The following LCOR variants were observed in gnomAD, a reference collection of about 807,000 sequenced individuals.
The protein encoded by LCOR is ligand-dependent corepressor.
A neutral mutation model predicts 64.4 loss-of-function variants in LCOR; 14 were observed. That is an observed-to-expected ratio of 0.22 (90% CI 0.14 to 0.34). The LOEUF (loss-of-function observed/expected upper bound fraction) is 0.34. Ranked by LOEUF, LCOR falls within the 10% of genes least tolerant of loss-of-function variation. The pLI, the probability that LCOR is intolerant of heterozygous loss-of-function variation, is 1.00. For synonymous variants in LCOR, 643 were observed against 642.5 expected, an observed-to-expected ratio of 1.00 and a Z score of -0.01; for missense variants, 1,686 against 1,765.3, an observed-to-expected ratio of 0.96 and a Z score of 0.80.
rs11188970 is a variant in LCOR at position 96,932,928 on chromosome 10, C to T, written c.-183-11185C>T. Among the ~76,000 whole-genome samples the T allele has an allele frequency of 2.2e-3, 328 of 152,232 alleles. 1 individual carries two copies. The highest frequency in any genetic ancestry group is 7.4e-3 in the African/African-American group (307 of 41,536). ...TTGTTTATTTTGGTTGATGGTTTCT[C>T]TTATAGTAATCTATCCCAAGGAAAT... On this transcript the variant is annotated intron_variant, in intron 4 of 7. Transcript: ENST00000421806.
At chr10:96,844,371 A>G (rs544439296) in intron 2 of LCOR, among the ~76,000 whole-genome samples, 2 of 151,744 alleles carry the variant, frequency 1.3e-5, no homozygotes, top group East Asian at 1.9e-4. Context: ...GTTTTCTTCA[A>G]TCTTCAGCAT....
At chr10:96,968,552 C>T (rs1847970011) in intron 7 of LCOR, among the ~76,000 whole-genome samples, 1 of 152,112 alleles carries the variant, frequency 6.6e-6, no homozygotes, top group Non-Finnish European at 1.5e-5. Context: ...AGGTGACTTT[C>T]AGAAAGCCCT....
At position 96,992,024 on chromosome 10, in the gene LCOR, C is replaced by CAT; in HGVS notation, c.*6892_*6893dup. On this transcript the variant is annotated 3_prime_UTR_variant, in exon 8 of 8. Coordinates refer to ENST00000421806, the MANE Select transcript of LCOR (RefSeq NM_001346516.2). The stretch of plus-strand genomic sequence containing the variant: ...CCCCAGTTTTCTGTGATCTGCACCT[C>CAT]ATAGTTGTCTTGTAGCTAAAGCTGA... 6.6e-6 allele frequency: 1 copy of CAT among 152,328 alleles called. No individual in the cohort carries two copies. The highest frequency in any genetic ancestry group is 2.4e-5 in the African/African-American group (1 of 41,570). 9.4% of individuals were successfully genotyped at this position (152,328 alleles called of 1,614,324 possible).
intron 4 of LCOR, among the ~76,000 whole-genome samples, chr10:96,924,508 C>T (rs940497464): frequency 2.6e-5 from 4 of 151,972 alleles, no homozygotes; most frequent in Non-Finnish European, 5.9e-5. Context: ...TCCCAAAGTG[C>T]TGGGATTATA....
rs1408558591 is a variant in LCOR at position 96,991,360 on chromosome 10, T to C, written c.*6226T>C. ...GTTGTGGGCCATGTGATCATATCTA[T>C]TAGGGTATGTAGTGAAAACTAAAAG... On this transcript the variant is annotated 3_prime_UTR_variant, in exon 8 of 8. Transcript: ENST00000421806. 1 of 152,194 alleles carries C rather than the reference T, an allele frequency of 6.6e-6. No individual in the cohort carries two copies. Among genetic ancestry groups the C allele is most frequent in the African/African-American group, 2.4e-5 (1 of 41,452 alleles). The allele number at this position is 152,194 out of a possible 1,614,324, so 9.4% of individuals were successfully genotyped here.
At chr10:96,886,409 C>G (rs552126888) in intron 2 of LCOR, among the ~76,000 whole-genome samples, 1 of 152,110 alleles carries the variant, frequency 6.6e-6, no homozygotes, top group African/African-American at 2.4e-5. Context: ...GGATCATGAC[C>G]GTGCTAAAAA....
In LCOR at chr10:96,943,752, T is replaced by TA. The variant is rs534758194; in HGVS notation, c.-183-349dup. Reference sequence around the variant, plus strand: ...AAAAAAAATTTTTTTTTTGGTAAATTAAAAAAAAAAAAGCCTTCTGTCTGA... The same window carrying TA: ...AAAAAAAATTTTTTTTTTGGTAAATTAAAAAAAAAAAAAGCCTTCTGTCTGA... On this transcript the variant is annotated intron_variant, in intron 4 of 7. Coordinates refer to ENST00000421806, the MANE Select transcript of LCOR (RefSeq NM_001346516.2). Among the ~76,000 whole-genome samples, 306 of 139,976 alleles carry TA rather than the reference T, an allele frequency of 2.2e-3. 2 individuals are homozygous for TA. The highest frequency in any genetic ancestry group is 3.6e-3 in the Middle Eastern group (1 of 276). The allele number at this position is 139,976 out of a possible 152,430, so 91.8% of individuals were successfully genotyped here. A position where few individuals can be genotyped will look rare whatever the true frequency, so the allele number is the denominator to read the frequency against.
chr10:96,933,269 G>A (rs1446192317), intron 4 of LCOR, among the ~76,000 whole-genome samples: 1 of 152,112 alleles, frequency 6.6e-6, no homozygotes, highest in East Asian at 1.9e-4. Flanking sequence ...TGTGTACAAG[G>A]TAGCTTTTTT....
chr10:96,888,601 A>G (rs1214395914), intron 2 of LCOR, among the ~76,000 whole-genome samples: 1 of 152,150 alleles, frequency 6.6e-6, no homozygotes, highest in Non-Finnish European at 1.5e-5. Flanking sequence ...AATGACCAGT[A>G]ATGATGTTAC....
At chr10:96,847,406 T>TTTTA (rs137983276) in intron 2 of LCOR, among the ~76,000 whole-genome samples, 3,508 of 150,924 alleles carry the variant, frequency 0.023, 97 homozygotes, top group African/African-American at 0.069. Context: ...GTCAAGAGTA[T>TTTTA]TTTATTTATT....
rs1463015166 is a variant in LCOR at position 96,981,620 on chromosome 10, A to G, written c.1160A>G (p.Asp387Gly). The G allele has an allele frequency of 6.2e-7, 1 of 1,614,226 alleles. No homozygotes were observed. The highest frequency in any genetic ancestry group is 1.1e-5 in the South Asian group (1 of 91,086). The change falls in exon 8 of 8, where the codon GAT (aspartate) becomes GGT (glycine). Residue 387 changes from aspartate to glycine, a missense_variant. Coordinates refer to ENST00000421806, the MANE Select transcript of LCOR (RefSeq NM_001346516.2). Reference protein sequence around the residue: ...LRQDLEANEQDARPKQENHLH... With the variant: ...LRQDLEANEQGARPKQENHLH... ...CAGGATTTAGAGGCAAATGAACAAG[A>G]TGCAAGGCCAAAGCAAGAGAACCAT... is the stretch of plus-strand genomic sequence containing the variant.
chr10:96,853,717 G>A (rs540157043), intron 2 of LCOR, among the ~76,000 whole-genome samples: 18 of 152,282 alleles, frequency 1.2e-4, no homozygotes, highest in African/African-American at 3.6e-4. Flanking sequence ...CTGTTACCAC[G>A]TATTTTAGTC....
intron 1 of LCOR, 53 bp from the exon 2 acceptor site, chr10:96,833,331 GGGCGCCCCGGGAGGGGCCGGGC>G: frequency 1.0e-6 from 1 of 960,362 alleles, no homozygotes; most frequent in Non-Finnish European, 1.2e-6. Context: ...GCGCGGACGG[GGGCGCCCCGGGAGGGGCCGGGC>G]GGCCGAGCTG....
At chr10:96,959,091 A>T (rs555214885) in intron 7 of LCOR, 1 of 152,078 alleles carries the variant, frequency 6.6e-6, no homozygotes, top group Non-Finnish European at 1.5e-5. Flanking sequence ...GGCTGGTGGC[A>T]GTCTTGGTGC....
intron 7 of LCOR, chr10:96,956,291 A>G (rs1225135062): frequency 1.0e-6 from 1 of 995,794 alleles, no homozygotes; most frequent in Admixed American, 5.7e-5. Context: ...TTTAAAAAAG[A>G]AGAGGAAACA....
chr10:96,941,069 C>G (rs1252572049), intron 4 of LCOR, among the ~76,000 whole-genome samples: 2 of 106,168 alleles, frequency 1.9e-5, no homozygotes, highest in African/African-American at 4.1e-5. Flanking sequence ...CCGACCCCCC[C>G]CCCGCCTCCC....
intron 4 of LCOR, among the ~76,000 whole-genome samples, chr10:96,911,413 C>G (rs551572634): frequency 6.6e-6 from 1 of 152,070 alleles, no homozygotes; most frequent in African/African-American, 2.4e-5. Context: ...ATTTAATCTT[C>G]AAAACAATCC....
rs148967453 is a variant in LCOR at position 96,845,165 on chromosome 10, A to T, written c.-330+11686A>T. On this transcript the variant is annotated intron_variant, in intron 2 of 7. Transcript: ENST00000421806. ...AACTTAAAAAAAGATGATAACTCAT[A>T]CATCATTGGTCTTAGACAAAATGAT... Among the ~76,000 whole-genome samples, 457 of 152,322 alleles carry T rather than the reference A, an allele frequency of 3.0e-3. 3 individuals are homozygous for T. Among genetic ancestry groups the T allele is most frequent in the African/African-American group, 0.011 (437 of 41,578 alleles).
chr10:96,908,857 A>T (rs1359018052), intron 4 of LCOR, among the ~76,000 whole-genome samples: 1 of 152,048 alleles, frequency 6.6e-6, no homozygotes, highest in African/African-American at 2.4e-5. Context: ...CTGGGACTAC[A>T]GGCGCCCGCC....
Sources: gnomAD v4.1 joint callset for allele counts (sites outside exome capture counted in the v4.1 genomes callset) on GRCh38, gnomAD v4.1.1 for gene constraint, MANE v1.5 for transcripts, NCBI Gene and HGNC (gene_info 2026-07-23, HGNC 2026-07-21) for gene names.